COL23A1: variants seen among roughly 807,000 people sequenced by gnomAD.
The protein encoded by COL23A1 is collagen type XXIII alpha 1 chain, also known as collagen alpha-1(XXIII) chain.
Under a neutral mutation model 99.3 loss-of-function variants are expected in COL23A1, and 97 were observed. That is an observed-to-expected ratio of 0.98 (90% CI 0.83 to 1.16). The LOEUF is 1.16. COL23A1 is among the 50% of genes most tolerant of loss of function. The probability of loss-of-function intolerance (pLI) is 0.00; values close to 1 mark genes in which losing one functional copy is unlikely to be tolerated. For synonymous variants in COL23A1, 320 were observed against 308.2 expected (o/e 1.04, Z -0.40); for missense variants, 762 against 757.4 (o/e 1.01, Z -0.07).
intron 27 of COL23A1, among the ~76,000 whole-genome samples, chr5:178,240,485 C>T (rs890920798): frequency 5.9e-5 from 9 of 152,342 alleles, no homozygotes; most frequent in East Asian, 1.9e-4. Context: ...CATTGCCCCT[C>T]GCAGGGCCCC....
Position 178,544,671 on chromosome 5 carries a change from G to A in COL23A1, c.361+16011C>T, listed in dbSNP as rs551227858. The stretch of plus-strand genomic sequence containing the variant: ...GGCGGTGCCACAAATGGGAGGTGAC[G>A]ATCAGGGGCGGTCACCTTCCAGTCC... On this transcript the variant is annotated intron_variant, in intron 2 of 28. Transcript: ENST00000390654. The surrounding 1 kb of genome is among the most constrained non-coding windows in gnomAD (Gnocchi z 4.4). Among the ~76,000 whole-genome samples the A allele has an allele frequency of 3.3e-5, 5 of 152,280 alleles. No individual in the cohort carries two copies. Among genetic ancestry groups the A allele is most frequent in the African/African-American group, 7.2e-5 (3 of 41,554 alleles).
chr5:178,379,723 A>G (rs553947330), intron 2 of COL23A1, among the ~76,000 whole-genome samples: 50 of 152,020 alleles, frequency 3.3e-4, no homozygotes, highest in Non-Finnish European at 3.7e-4. Flanking sequence ...CTCTACTAAA[A>G]ATACAAAATG....
intron 2 of COL23A1, among the ~76,000 whole-genome samples, chr5:178,393,429 A>C (rs992185318): frequency 6.6e-6 from 1 of 152,192 alleles, no homozygotes; most frequent in Non-Finnish European, 1.5e-5. Flanking sequence ...TCGTTCTGCA[A>C]GATGTAAACA....
At chr5:178,447,338 C>T (rs540782914) in intron 2 of COL23A1, among the ~76,000 whole-genome samples, 32 of 152,246 alleles carry the variant, frequency 2.1e-4, no homozygotes, top group African/African-American at 5.8e-4. Flanking sequence ...AAGTGATATG[C>T]CCACCTCGGC....
intron 2 of COL23A1, among the ~76,000 whole-genome samples, chr5:178,420,456 C>T (rs1765559583): frequency 1.0e-5 from 1 of 95,916 alleles, no homozygotes; most frequent in Non-Finnish European, 2.2e-5. Flanking sequence ...CTCCCCTCCC[C>T]ACCTCTATCC....
At chr5:178,241,361 G>A (rs1764388277) in intron 27 of COL23A1, among the ~76,000 whole-genome samples, 1 of 152,142 alleles carries the variant, frequency 6.6e-6, no homozygotes, top group Admixed American at 6.5e-5. Flanking sequence ...GGTAGGCAGA[G>A]GGGATGTGGG....
chr5:178,535,260 CACCG>C (rs1760874529), intron 2 of COL23A1, among the ~76,000 whole-genome samples: 1 of 152,228 alleles, frequency 6.6e-6, no homozygotes, highest in Non-Finnish European at 1.5e-5. Flanking sequence ...AGGCGTGAGC[CACCG>C]TGCCCAGCCC....
At chr5:178,435,705 G>T (rs1766521179) in intron 2 of COL23A1, among the ~76,000 whole-genome samples, 1 of 152,178 alleles carries the variant, frequency 6.6e-6, no homozygotes, top group African/African-American at 2.4e-5. Context: ...TGTTGAGAGG[G>T]AAAGCTGCTT....
At chr5:178,404,372 C>T (rs1764637854) in intron 2 of COL23A1, among the ~76,000 whole-genome samples, 1 of 152,148 alleles carries the variant, frequency 6.6e-6, no homozygotes, top group African/African-American at 2.4e-5. Flanking sequence ...TTCAGCAACA[C>T]CAGGAGGGAG....
chr5:178,349,261 G>A (rs917478902), intron 2 of COL23A1, among the ~76,000 whole-genome samples: 1 of 152,206 alleles, frequency 6.6e-6, no homozygotes, highest in African/African-American at 2.4e-5. Context: ...GGCACAGGCA[G>A]CTGGGTGAGG....
At chr5:178,251,656 T>C (rs1455734627) in intron 17 of COL23A1, among the ~76,000 whole-genome samples, 3 of 152,228 alleles carry the variant, frequency 2.0e-5, no homozygotes. Flanking sequence ...AGGTTTGGGC[T>C]TCTAATGATT....
rs1161381948 is a variant in COL23A1 at position 178,306,793 on chromosome 5, G to T, written c.406+82C>A. Reference sequence around the variant, plus strand: ...AGGCATGACTCAGGGTGGGCAGCAGGTGGCCAGGCCCTGCAGTCAGAGCCT... The same window carrying T: ...AGGCATGACTCAGGGTGGGCAGCAGTTGGCCAGGCCCTGCAGTCAGAGCCT... On this transcript the variant is annotated intron_variant, in intron 3 of 28. Transcript: ENST00000390654. This position sits in a 1 kb window ranked among gnomAD's most constrained non-coding sequence, Gnocchi z 4.1. 3 of 1,075,622 alleles carry T rather than the reference G, an allele frequency of 2.8e-6. No homozygotes were observed. Among genetic ancestry groups the T allele is most frequent in the Non-Finnish European group, 3.8e-6 (3 of 785,034 alleles). The allele number at this position is 1,075,622 out of a possible 1,614,324, so 66.6% of individuals were successfully genotyped here.
chr5:178,513,701 C>G (rs931058634), intron 2 of COL23A1, among the ~76,000 whole-genome samples: 13 of 151,986 alleles, frequency 8.6e-5, no homozygotes, highest in African/African-American at 3.1e-4. Context: ...GGGTGTAGGA[C>G]TAAGGTCCCC....
chr5:178,586,948 G>C (rs928567373), intron 1 of COL23A1, among the ~76,000 whole-genome samples: 1 of 152,168 alleles, frequency 6.6e-6, no homozygotes, highest in African/African-American at 2.4e-5. Context: ...GGCTTTTCTT[G>C]TTTTCAAACT....
intron 2 of COL23A1, among the ~76,000 whole-genome samples, chr5:178,382,755 G>A (rs1312085909): frequency 6.6e-6 from 1 of 152,250 alleles, no homozygotes; most frequent in Non-Finnish European, 1.5e-5. Context: ...ACTGAAGAGG[G>A]AGAAGCACAG....
chr5:178,510,654 A>C (rs2127994101), intron 2 of COL23A1, among the ~76,000 whole-genome samples: 1 of 152,116 alleles, frequency 6.6e-6, no homozygotes, highest in South Asian at 2.1e-4. Context: ...GTACCCTAAA[A>C]CTTAAAGTAC....
chr5:178,403,118 A>AAT (rs1764547558), intron 2 of COL23A1, among the ~76,000 whole-genome samples: 1 of 129,684 alleles, frequency 7.7e-6, no homozygotes, highest in African/African-American at 3.8e-5. Flanking sequence ...CAAAAAAAAA[A>AAT]AAAATAAATA....
At chr5:178,243,418 C>G (rs1764513791) in intron 25 of COL23A1, among the ~76,000 whole-genome samples, 1 of 137,428 alleles carries the variant, frequency 7.3e-6, no homozygotes, top group African/African-American at 2.8e-5. Flanking sequence ...ACCCGGGAGA[C>G]AGAAGTTGCA....
chr5:178,272,715 A>T (rs566324084), intron 5 of COL23A1, among the ~76,000 whole-genome samples: 1 of 152,072 alleles, frequency 6.6e-6, no homozygotes, highest in South Asian at 2.1e-4. Context: ...TGCCCTCGGT[A>T]GTACACTAAA....
Sources: allele counts gnomAD v4.1 joint callset (sites outside exome capture counted in the v4.1 genomes callset), GRCh38; gene constraint gnomAD v4.1.1; non-coding constraint Gnocchi (gnomAD v3.1); transcripts MANE v1.5; gene names NCBI Gene and HGNC (gene_info 2026-07-23, HGNC 2026-07-21).